PRKN: variants seen among roughly 807,000 people sequenced by gnomAD.
The protein encoded by PRKN is parkin RBR E3 ubiquitin protein ligase.
PRKN carries 56 observed loss-of-function variants against 59.5 expected under a neutral mutation model. The ratio of observed to expected loss-of-function variants is 0.94; its 90% confidence interval spans 0.76 to 1.18. The LOEUF is 1.18. Among genes scored for constraint, PRKN ranks in the 50% most tolerant of loss-of-function variants. PRKN has a pLI of 0.00. For missense variants in PRKN, 657 were observed against 596.4 expected (o/e 1.10, Z -1.06); for synonymous variants, 250 against 222.1 (o/e 1.13, Z -1.12).
At chr6:162,485,800 T>C (rs1792509704) in intron 1 of PRKN, among the ~76,000 whole-genome samples, 1 of 152,200 alleles carries the variant, frequency 6.6e-6, no homozygotes. Context: ...GATTGAGATT[T>C]GAGGGAACCA....
At chr6:162,601,321 T>TTGAATGGGGGATTGAATGGCGGTTGAA (rs141594307) in intron 1 of PRKN, among the ~76,000 whole-genome samples, 1 of 151,990 alleles carries the variant, frequency 6.6e-6, no homozygotes, top group Non-Finnish European at 1.5e-5. Flanking sequence ...ACATGAACTT[T>TTGAATGGGGGATTGAATGGCGGTTGAA]TGGGGGACAC....
At chr6:162,463,668 T>C (rs1245307621) in intron 1 of PRKN, among the ~76,000 whole-genome samples, 1 of 152,172 alleles carries the variant, frequency 6.6e-6, no homozygotes, top group African/African-American at 2.4e-5. Flanking sequence ...TAATAAACTA[T>C]CCAGCTCCCT....
intron 6 of PRKN, among the ~76,000 whole-genome samples, chr6:161,936,676 T>G (rs1375254807): frequency 6.6e-6 from 1 of 152,172 alleles, no homozygotes; most frequent in African/African-American, 2.4e-5. Flanking sequence ...ACGAGAAAGC[T>G]CTGATAACTC....
intron 1 of PRKN, among the ~76,000 whole-genome samples, chr6:162,662,698 A>G (rs1778936124): frequency 6.6e-6 from 1 of 152,092 alleles, no homozygotes; most frequent in Non-Finnish European, 1.5e-5. Context: ...TCCAATGTAT[A>G]TCTTTGTCAA....
intron 2 of PRKN, among the ~76,000 whole-genome samples, chr6:162,423,018 C>T (rs796102899): frequency 5.4e-5 from 8 of 149,270 alleles, no homozygotes; most frequent in South Asian, 2.1e-4. Context: ...TTCTTCTAGT[C>T]GCTTTCTGGA....
At chr6:162,681,432 T>G (rs1297271675) in intron 1 of PRKN, among the ~76,000 whole-genome samples, 1 of 152,044 alleles carries the variant, frequency 6.6e-6, no homozygotes, top group Non-Finnish European at 1.5e-5. Flanking sequence ...TAAAACTAAA[T>G]TGAAAGGAAA....
chr6:161,970,837 C>T (rs924776267), intron 6 of PRKN, among the ~76,000 whole-genome samples: 1 of 152,204 alleles, frequency 6.6e-6, no homozygotes, highest in African/African-American at 2.4e-5. Flanking sequence ...CGTGTCTGGC[C>T]ACTTCTAATG....
intron 1 of PRKN, among the ~76,000 whole-genome samples, chr6:162,687,179 C>G (rs935066520): frequency 6.8e-6 from 1 of 146,356 alleles, no homozygotes; most frequent in Non-Finnish European, 1.5e-5. Context: ...GTTAAAAGAG[C>G]CTCTTTTTCT....
intron 9 of PRKN, among the ~76,000 whole-genome samples, chr6:161,510,560 C>T (rs1014452534): frequency 6.6e-6 from 1 of 152,180 alleles, no homozygotes. Context: ...AATTCCCTTA[C>T]AAAGGTTGGT....
chr6:162,602,503 T>A (rs1781751763), intron 1 of PRKN, among the ~76,000 whole-genome samples: 1 of 152,110 alleles, frequency 6.6e-6, no homozygotes, highest in Non-Finnish European at 1.5e-5. Context: ...ACTGAGGAGT[T>A]GGGGCAGCCC....
chr6:162,127,646 G>C (rs139988820), intron 4 of PRKN, among the ~76,000 whole-genome samples: 2 of 152,286 alleles, frequency 1.3e-5, no homozygotes, highest in African/African-American at 4.8e-5. Flanking sequence ...GAGTCATAGG[G>C]AAAATCTGCC....
chr6:161,794,868 T>A (rs949042823), intron 6 of PRKN, among the ~76,000 whole-genome samples: 1 of 152,202 alleles, frequency 6.6e-6, no homozygotes, highest in Non-Finnish European at 1.5e-5. Flanking sequence ...ATTTAGAAAG[T>A]ATTGCTTTTA....
intron 3 of PRKN, among the ~76,000 whole-genome samples, chr6:162,249,661 TA>T (rs1030786412): frequency 1.3e-5 from 2 of 150,878 alleles, no homozygotes; most frequent in Middle Eastern, 3.5e-3. Flanking sequence ...TAAGATTCCT[TA>T]AAAAAAAATC....
chr6:162,211,616 G>T (rs192111096), intron 3 of PRKN, among the ~76,000 whole-genome samples: 3 of 152,228 alleles, frequency 2.0e-5, no homozygotes, highest in African/African-American at 7.2e-5. Flanking sequence ...GAGCAACACG[G>T]TGTGAGCCTC....
Position 162,070,621 on chromosome 6 carries a change from T to C in PRKN, c.535-16447A>G, listed in dbSNP as rs183101680. On this transcript the variant is annotated intron_variant, in intron 4 of 11. Coordinates refer to ENST00000366898, the MANE Select transcript of PRKN (RefSeq NM_004562.3). ...GTCTGTCATTGTCAACATGCACAGG[T>C]TTGACGGAAGACAGTTTTTCCAGGG... 5.3e-5 allele frequency among the ~76,000 whole-genome samples: 8 copies of C among 152,272 alleles called. No homozygotes were observed. In the East Asian group the frequency reaches 1.5e-3, roughly 29 times the overall value.
chr6:162,558,237 G>T (rs1261644800), intron 1 of PRKN, among the ~76,000 whole-genome samples: 2 of 151,318 alleles, frequency 1.3e-5, no homozygotes, highest in Non-Finnish European at 2.9e-5. Flanking sequence ...TGGCATTCAT[G>T]TTATAGCCTT....
chr6:162,169,626 G>T (rs1468040339), intron 4 of PRKN, among the ~76,000 whole-genome samples: 2 of 152,170 alleles, frequency 1.3e-5, no homozygotes, highest in African/African-American at 2.4e-5. Flanking sequence ...GTAGGAGTTG[G>T]ATGAATATTT....
intron 9 of PRKN, among the ~76,000 whole-genome samples, chr6:161,434,954 G>A (rs1788813391): frequency 6.6e-6 from 1 of 152,164 alleles, no homozygotes; most frequent in African/African-American, 2.4e-5. Flanking sequence ...AAGAGTTCCT[G>A]GGAAGAAGCC....
intron 4 of PRKN, among the ~76,000 whole-genome samples, chr6:162,182,869 T>C (rs1166256352): frequency 6.6e-6 from 1 of 152,150 alleles, no homozygotes; most frequent in Non-Finnish European, 1.5e-5. Flanking sequence ...ACTAAATAAC[T>C]ATTGTATTAT....
Sources: allele counts gnomAD v4.1 joint callset (sites outside exome capture counted in the v4.1 genomes callset), GRCh38; gene constraint gnomAD v4.1.1; transcripts MANE v1.5; gene names NCBI Gene and HGNC (gene_info 2026-07-23, HGNC 2026-07-21).